Variants in STK32B observed in about 807,000 individuals in gnomAD.
STK32B encodes the protein serine/threonine-protein kinase 32B.
A neutral mutation model predicts 52.6 loss-of-function variants in STK32B; 43 were observed. The observed-to-expected ratio is 0.82, with a 90% CI of 0.64 to 1.05. The LOEUF (loss-of-function observed/expected upper bound fraction) is 1.05. STK32B is among the 50% of genes least tolerant of loss of function. STK32B has a pLI of 0.00. For synonymous variants in STK32B, 238 were observed against 204.3 expected, an observed-to-expected ratio of 1.17 and a Z score of -1.41; for missense variants, 621 against 534.6, an observed-to-expected ratio of 1.16 and a Z score of -1.59.
chr4:5,370,984 A>ATGTGTGTG (rs149501017), intron 4 of STK32B, among the ~76,000 whole-genome samples: 5,383 of 145,244 alleles, frequency 0.037, 323 homozygotes, highest in African/African-American at 0.12. Flanking sequence ...ATATATATAT[A>ATGTGTGTG]TGTGTGTGTG....
intron 4 of STK32B, among the ~76,000 whole-genome samples, chr4:5,343,779 A>G (rs1733262734): frequency 6.6e-6 from 1 of 152,216 alleles, no homozygotes; most frequent in Admixed American, 6.5e-5. Flanking sequence ...TAGAGTGAAT[A>G]GGCAACCTAC....
At chr4:5,092,334 C>G (rs1308631261) in intron 1 of STK32B, among the ~76,000 whole-genome samples, 1 of 152,142 alleles carries the variant, frequency 6.6e-6, no homozygotes, top group Non-Finnish European at 1.5e-5. Flanking sequence ...GAGTTTGAGA[C>G]CAGCCTGGGC....
At chr4:5,384,570 C>CTGGGTGTATTTTTCTG (rs1326428806) in intron 4 of STK32B, among the ~76,000 whole-genome samples, 6 of 152,066 alleles carry the variant, frequency 3.9e-5, no homozygotes, top group Non-Finnish European at 7.4e-5. Flanking sequence ...TTTTCTGCAG[C>CTGGGTGTATTTTTCTG]CACGTTCAGC....
At chr4:5,153,445 G>A (rs1032629899) in intron 2 of STK32B, among the ~76,000 whole-genome samples, 5 of 151,388 alleles carry the variant, frequency 3.3e-5, no homozygotes, top group South Asian at 2.1e-4. Flanking sequence ...GGTACCTGGC[G>A]TGTGGATGGC....
intron 3 of STK32B, among the ~76,000 whole-genome samples, chr4:5,327,061 C>G (rs573919197): frequency 1.4e-4 from 21 of 152,198 alleles, no homozygotes; most frequent in Admixed American, 1.4e-3. Context: ...TCTTCCTTAT[C>G]CTTAGGGGAA....
intron 3 of STK32B, among the ~76,000 whole-genome samples, chr4:5,206,428 G>A (rs995275305): frequency 3.3e-5 from 5 of 152,060 alleles, no homozygotes; most frequent in East Asian, 1.9e-4. Flanking sequence ...AAACAATAAC[G>A]TGGTCAAGAG....
chr4:5,446,349 T>C (rs1444290980), intron 6 of STK32B, among the ~76,000 whole-genome samples: 1 of 152,162 alleles, frequency 6.6e-6, no homozygotes, highest in Non-Finnish European at 1.5e-5. Context: ...GCAGATCACC[T>C]GAGGCCAAGA....
chr4:5,371,002 A>ATATATATATATATG (rs1204029655), intron 4 of STK32B, among the ~76,000 whole-genome samples: 1 of 118,424 alleles, frequency 8.4e-6, no homozygotes, highest in Non-Finnish European at 1.7e-5. Context: ...GTGTGTATAT[A>ATATATATATATATG]TATATATATG....
At chr4:5,477,766 A>G (rs1424484183) in intron 11 of STK32B, among the ~76,000 whole-genome samples, 3 of 152,136 alleles carry the variant, frequency 2.0e-5, no homozygotes, top group African/African-American at 7.2e-5. Context: ...ATTCATGCTC[A>G]CTGGCCGGAA....
intron 2 of STK32B, among the ~76,000 whole-genome samples, chr4:5,165,638 G>A (rs986093016): frequency 2.0e-4 from 30 of 152,248 alleles, no homozygotes; most frequent in African/African-American, 7.2e-4. Context: ...ATCCTCCCAC[G>A]ACATGTCTGG....
chr4:5,288,250 A>G (rs1018305789), intron 3 of STK32B, among the ~76,000 whole-genome samples: 3 of 152,128 alleles, frequency 2.0e-5, no homozygotes, highest in Non-Finnish European at 4.4e-5. Flanking sequence ...TCTTAGGTAT[A>G]TATCTAGGAG....
chr4:5,173,115 C>T (rs1719527882), intron 3 of STK32B, among the ~76,000 whole-genome samples: 1 of 152,170 alleles, frequency 6.6e-6, no homozygotes, highest in African/African-American at 2.4e-5. Context: ...TGATAGTATT[C>T]TCTGATAGTA....
intron 9 of STK32B, among the ~76,000 whole-genome samples, chr4:5,461,273 C>T (rs1717005805): frequency 6.6e-6 from 1 of 152,158 alleles, no homozygotes; most frequent in Non-Finnish European, 1.5e-5. Context: ...TTTGTTGTTG[C>T]CTGTTCCAGC....
chr4:5,151,380 T>C (rs1413188286), intron 2 of STK32B, among the ~76,000 whole-genome samples: 8 of 152,212 alleles, frequency 5.3e-5, no homozygotes, highest in Admixed American at 5.2e-4. Context: ...ATTGAATGAA[T>C]ATTTTGGCTT....
intron 7 of STK32B, 110 bp from the exon 8 acceptor site, chr4:5,456,697 T>C: frequency 9.8e-7 from 1 of 1,021,798 alleles, no homozygotes; most frequent in Non-Finnish European, 1.4e-6. Context: ...CACCCACTGT[T>C]ACTTGAAGAG....
intron 3 of STK32B, among the ~76,000 whole-genome samples, chr4:5,271,280 T>C (rs1727412128): frequency 6.6e-6 from 1 of 152,048 alleles, no homozygotes; most frequent in Non-Finnish European, 1.5e-5. Flanking sequence ...AAATATGAAA[T>C]AGGGATAGAT....
At chr4:5,100,381 TCTTC>T (rs201920457) in intron 1 of STK32B, among the ~76,000 whole-genome samples, 3,626 of 136,534 alleles carry the variant, frequency 0.027, 182 homozygotes, top group African/African-American at 0.092. Flanking sequence ...CTTGCCTTCT[TCTTC>T]CTTCCTTCCT....
intron 11 of STK32B, among the ~76,000 whole-genome samples, chr4:5,491,449 T>C (rs1185286232): frequency 6.6e-6 from 1 of 152,220 alleles, no homozygotes; most frequent in Non-Finnish European, 1.5e-5. Context: ...TGTAAATTTG[T>C]TTGAGTTCAT....
In STK32B at chr4:5,051,817, C is replaced by T. The variant is rs972562265; in HGVS notation, c.-47C>T. The T allele has an allele frequency of 1.9e-5, 30 of 1,566,994 alleles. No homozygotes were observed. Among genetic ancestry groups the T allele is most frequent in the Non-Finnish European group, 2.5e-5 (29 of 1,156,784 alleles). On this transcript the variant is annotated 5_prime_UTR_variant, in exon 1 of 12. Coordinates refer to ENST00000282908, the MANE Select transcript of STK32B (RefSeq NM_018401.3). ...CTGCGCGCGTCCCACATCCCGCATC[C>T]GGCATCCCAGCGGCCGGGCATGTAG...
Sources: allele counts gnomAD v4.1 joint callset (sites outside exome capture counted in the v4.1 genomes callset), GRCh38; gene constraint gnomAD v4.1.1; transcripts MANE v1.5; gene names NCBI Gene and HGNC (gene_info 2026-07-23, HGNC 2026-07-21).